RAPGEF4: variants seen among roughly 807,000 people sequenced by gnomAD.
RAPGEF4 encodes the protein RAP guanine-nucleotide-exchange factor (GEF) 4.
In RAPGEF4, 66 loss-of-function variants were observed where a neutral mutation model predicts 147.9. The observed-to-expected ratio is 0.45, with a 90% CI of 0.37 to 0.55. The LOEUF (loss-of-function observed/expected upper bound fraction) is 0.55, where lower values mean the gene tolerates loss of function less well. Ranked by LOEUF, RAPGEF4 falls within the 20% of genes least tolerant of loss-of-function variation. The pLI is 0.00. For missense variants in RAPGEF4, 1,071 were observed against 1,257.3 expected, an observed-to-expected ratio of 0.85 and a Z score of 2.24; for synonymous variants, 419 against 442.7, an observed-to-expected ratio of 0.95 and a Z score of 0.67.
chr2:172,797,454 A>G, intron 2 of RAPGEF4, 71 bp from the exon 3 acceptor site: 1 of 1,261,092 alleles, frequency 7.9e-7, no homozygotes, highest in Non-Finnish European at 1.1e-6. Flanking sequence ...TGGACCAGTG[A>G]AAAACTGGCA....
chr2:172,835,183 G>GT (rs149359498), intron 4 of RAPGEF4, among the ~76,000 whole-genome samples: 2,275 of 152,334 alleles, frequency 0.015, 19 homozygotes, highest in South Asian at 0.034. Flanking sequence ...GAAGTGAGTT[G>GT]TGAGTGCTCA....
intron 1 of RAPGEF4, among the ~76,000 whole-genome samples, chr2:172,763,003 G>A (rs977082344): frequency 7.2e-5 from 11 of 152,160 alleles, no homozygotes; most frequent in Non-Finnish European, 1.0e-4. Flanking sequence ...AAGAAGGAAA[G>A]GCTTATTTAA....
chr2:172,948,237 A>G (rs865794991), intron 6 of RAPGEF4, among the ~76,000 whole-genome samples: 1 of 152,178 alleles, frequency 6.6e-6, no homozygotes, highest in African/African-American at 2.4e-5. Flanking sequence ...TGTATGTACA[A>G]TATTTTTGTT....
At chr2:172,894,464 C>T (rs1223348102) in intron 4 of RAPGEF4, 3 of 152,192 alleles carry the variant, frequency 2.0e-5, no homozygotes, top group Admixed American at 1.3e-4. Flanking sequence ...AAAATTCTAA[C>T]TCTCACTGTT....
chr2:172,814,556 A>C (rs1287575888), intron 4 of RAPGEF4, 131 bp downstream of exon 4: 1 of 1,199,926 alleles, frequency 8.3e-7, no homozygotes, highest in South Asian at 1.3e-5. Flanking sequence ...TTAATTTTCA[A>C]AACTTGTTTT....
intron 4 of RAPGEF4, among the ~76,000 whole-genome samples, chr2:172,816,721 C>T (rs1688549249): frequency 6.6e-6 from 1 of 152,184 alleles, no homozygotes; most frequent in Non-Finnish European, 1.5e-5. Context: ...GATTTGTGAT[C>T]TCCCTTGCCA....
intron 4 of RAPGEF4, among the ~76,000 whole-genome samples, chr2:172,912,705 T>C (rs1559115223): frequency 6.6e-6 from 1 of 152,170 alleles, no homozygotes; most frequent in Non-Finnish European, 1.5e-5. Flanking sequence ...CCTTAAAATA[T>C]ACAGCTAAGA....
intron 4 of RAPGEF4, among the ~76,000 whole-genome samples, chr2:172,874,113 G>A (rs1695573804): frequency 6.6e-6 from 1 of 152,186 alleles, no homozygotes; most frequent in African/African-American, 2.4e-5. Flanking sequence ...GTATAAATTA[G>A]TTCAACCATT....
chr2:172,953,194 T>C (rs1174718917), intron 6 of RAPGEF4, among the ~76,000 whole-genome samples: 1 of 149,344 alleles, frequency 6.7e-6, no homozygotes, highest in Non-Finnish European at 1.5e-5. Context: ...ATAATAGCTA[T>C]CTATTATAGA....
At chr2:173,001,993 C>CAAGAAAAAAAAAAAAAAAA (rs1693970198) in intron 17 of RAPGEF4, among the ~76,000 whole-genome samples, 1 of 79,312 alleles carries the variant, frequency 1.3e-5, no homozygotes, top group Non-Finnish European at 2.5e-5. Flanking sequence ...GTGATGCTGG[C>CAAGAAAAAAAAAAAAAAAA]AAAAAAAAAA....
chr2:172,943,813 C>G (rs1687406765), intron 6 of RAPGEF4, among the ~76,000 whole-genome samples: 1 of 151,948 alleles, frequency 6.6e-6, no homozygotes, highest in African/African-American at 2.4e-5. Context: ...GAACCACATC[C>G]TCTCAGAGTT....
chr2:172,856,780 A>G (rs1693460831), intron 4 of RAPGEF4, among the ~76,000 whole-genome samples: 1 of 151,338 alleles, frequency 6.6e-6, no homozygotes, highest in Non-Finnish European at 1.5e-5. Flanking sequence ...TCTCTCTAGG[A>G]TTTCCTCCTT....
At chr2:172,747,890 T>C (rs1409684249) in intron 1 of RAPGEF4, among the ~76,000 whole-genome samples, 1 of 152,242 alleles carries the variant, frequency 6.6e-6, no homozygotes, top group Non-Finnish European at 1.5e-5. Context: ...ATATTTTAGA[T>C]TCTATATGTA....
At chr2:172,826,397 A>G (rs994892342) in intron 4 of RAPGEF4, among the ~76,000 whole-genome samples, 1 of 152,090 alleles carries the variant, frequency 6.6e-6, no homozygotes, top group Non-Finnish European at 1.5e-5. Context: ...GGCCTTTGCT[A>G]TTTGTTATGG....
At chr2:172,960,602 A>T (rs1445110429) in intron 6 of RAPGEF4, among the ~76,000 whole-genome samples, 158 bp from the exon 7 acceptor site, 1 of 152,172 alleles carries the variant, frequency 6.6e-6, no homozygotes, top group Non-Finnish European at 1.5e-5. Context: ...TTGAATGCCT[A>T]TGCATTCAAG....
intron 1 of RAPGEF4, among the ~76,000 whole-genome samples, chr2:172,749,842 C>T (rs1695110554): frequency 6.6e-6 from 1 of 152,150 alleles, no homozygotes; most frequent in African/African-American, 2.4e-5. Context: ...GAGTGCTTTG[C>T]CACTTTGAAA....
chr2:172,916,663 A>G (rs1684106679), intron 4 of RAPGEF4, among the ~76,000 whole-genome samples: 1 of 152,228 alleles, frequency 6.6e-6, no homozygotes, highest in Non-Finnish European at 1.5e-5. Flanking sequence ...TAGTTGCCTC[A>G]GAATGAGAAG....
At position 172,735,994 on chromosome 2, in the gene RAPGEF4, C is replaced by G; in HGVS notation, c.11C>G (p.Ala4Gly). Residue 4 changes from alanine (A) to glycine (G), a missense_variant, in exon 1 of 31, where the codon GCG (alanine) becomes GGG (glycine). Coordinates refer to ENST00000397081, the MANE Select transcript of RAPGEF4 (RefSeq NM_007023.4). ...GCGCCGCCGCTCAACATGGTCGCTG[C>G]GCACGCTGCCCATTCTTCCTCCTCT... MVA[A>G]HAAHSSSSAE... The G allele has an allele frequency of 6.8e-7, 1 of 1,476,538 alleles. No individual in the cohort carries two copies. The highest frequency in any genetic ancestry group is 1.3e-5 in the South Asian group (1 of 78,278). The allele number at this position is 1,476,538 out of a possible 1,614,324, so 91.5% of individuals were successfully genotyped here.
chr2:172,909,231 C>T (rs539511415), intron 4 of RAPGEF4, among the ~76,000 whole-genome samples: 2 of 152,270 alleles, frequency 1.3e-5, no homozygotes, highest in African/African-American at 4.8e-5. Flanking sequence ...AAGCCTGAGC[C>T]CTCCCAAGTG....
Sources: gnomAD v4.1 joint callset for allele counts (sites outside exome capture counted in the v4.1 genomes callset) on GRCh38, gnomAD v4.1.1 for gene constraint, MANE v1.5 for transcripts, NCBI Gene and HGNC (gene_info 2026-07-23, HGNC 2026-07-21) for gene names.